FAM135B: variants seen among roughly 807,000 people sequenced by gnomAD.
The protein encoded by FAM135B is protein FAM135B.
FAM135B carries 43 observed loss-of-function variants against 127.7 expected under a neutral mutation model. The ratio of observed to expected loss-of-function variants is 0.34; its 90% CI spans 0.26 to 0.43. The LOEUF is 0.43. Ranked by LOEUF, FAM135B falls within the 20% of genes least tolerant of loss-of-function variation. The probability of loss-of-function intolerance (pLI) is 1.00; values close to 1 mark genes in which losing one functional copy is unlikely to be tolerated. For missense variants in FAM135B, 1,558 were observed against 1,725.6 expected, an observed-to-expected ratio of 0.90 and a Z score of 1.72; for synonymous variants, 670 against 665.1, an observed-to-expected ratio of 1.01 and a Z score of -0.11.
rs768616053 is a variant in FAM135B, at chr8:138,153,121, T to C, written c.1354A>G (p.Ser452Gly). 1 of 1,614,014 alleles carries C rather than the reference T, an allele frequency of 6.2e-7. No homozygotes were observed. The change falls in exon 13 of 20, where the codon AGC (serine) becomes GGC (glycine). Residue 452 changes from serine to glycine, a missense_variant. Physicochemically the swap from Ser to Gly is moderately conservative, Grantham distance 56. This residue lies in a region of FAM135B where 923 missense variants were observed against 865.3 expected (regional missense o/e 1.07). Transcript: ENST00000395297. The stretch of plus-strand genomic sequence containing the variant: ...AGGTCTTCCCTAAAAGATAAATTGC[T>C]ATTTACCATACAGTTATCTTCCTTG... ...KDKEDNCMVN[S>G]NLSFREDLVL... is the part of the protein sequence containing the mutation.
chr8:138,227,449 C>A (rs1380606399), intron 7 of FAM135B, among the ~76,000 whole-genome samples: 1 of 152,168 alleles, frequency 6.6e-6, no homozygotes, highest in Non-Finnish European at 1.5e-5. Flanking sequence ...ATTTTTTACT[C>A]CAATTAGCAA....
At chr8:138,386,444 G>C (rs1416538756) in intron 1 of FAM135B, among the ~76,000 whole-genome samples, 6 of 152,096 alleles carry the variant, frequency 3.9e-5, no homozygotes, top group Non-Finnish European at 8.8e-5. Flanking sequence ...TGAAAAGAAG[G>C]AGCTGATGAG....
chr8:138,211,572 T>C (rs183565789), intron 7 of FAM135B, among the ~76,000 whole-genome samples: 1 of 152,366 alleles, frequency 6.6e-6, no homozygotes, highest in East Asian at 1.9e-4. Flanking sequence ...ATGGCCATGC[T>C]GAAGTGACAG....
At chr8:138,496,364 A>G (rs1055255265) in intron 1 of FAM135B, among the ~76,000 whole-genome samples, 3 of 152,222 alleles carry the variant, frequency 2.0e-5, no homozygotes, top group South Asian at 2.1e-4. Flanking sequence ...AAGGACCCCA[A>G]TGGCCAAGGT....
chr8:138,200,228 G>A (rs1256986305), intron 7 of FAM135B, among the ~76,000 whole-genome samples: 2 of 152,232 alleles, frequency 1.3e-5, no homozygotes, highest in African/African-American at 4.8e-5. Flanking sequence ...ATTCAGCAAC[G>A]TTTGAAATCA....
chr8:138,257,882 AAAT>A (rs1187771261), intron 4 of FAM135B, among the ~76,000 whole-genome samples: 3,642 of 91,638 alleles, frequency 0.04, 102 homozygotes, highest in African/African-American at 0.12. Flanking sequence ...AAAAAATAAA[AAAT>A]AAAAAAAAAA....
intron 7 of FAM135B, among the ~76,000 whole-genome samples, chr8:138,235,934 T>C (rs1820237256): frequency 6.6e-6 from 1 of 152,204 alleles, no homozygotes; most frequent in African/African-American, 2.4e-5. Flanking sequence ...GATTTCACTT[T>C]GTTGGCCAGC....
At chr8:138,281,703 A>C (rs1231311018) in intron 3 of FAM135B, among the ~76,000 whole-genome samples, 1 of 152,070 alleles carries the variant, frequency 6.6e-6, no homozygotes, top group Non-Finnish European at 1.5e-5. Flanking sequence ...GTAAATTGGC[A>C]TGCCTTTCCC....
chr8:138,263,963 C>A (rs1822727114), intron 4 of FAM135B, among the ~76,000 whole-genome samples: 1 of 152,168 alleles, frequency 6.6e-6, no homozygotes. Flanking sequence ...ACCCTTCTAA[C>A]AAAATCAGTG....
At position 138,153,211 on chromosome 8, in the gene FAM135B, T is replaced by A. The variant is rs781318873; in HGVS notation, c.1264A>T (p.Asn422Tyr). 2.7e-6 allele frequency: 4 copies of A among 1,501,424 alleles called. No homozygotes were observed. The East Asian group carries it at 9.4e-5, about 35-fold the overall frequency. The allele number at this position is 1,501,424 out of a possible 1,614,324, so 93.0% of individuals were successfully genotyped here. A position where few individuals can be genotyped will look rare whatever the true frequency, so the allele number is the denominator to read the frequency against. The change falls in exon 13 of 20, where the codon AAC becomes TAC. Residue 422 changes from asparagine to tyrosine, a missense_variant. Transcript: ENST00000395297. ...TCAAAATTAGGATAAACACTCAAGT[T>A]ATGCCCTACAAAAAAAAAAGAAAGA... ...RYVDCPATGH[N>Y]LSVYPNFDVP...
chr8:138,338,358 C>T (rs886470535), intron 2 of FAM135B, among the ~76,000 whole-genome samples: 18 of 151,964 alleles, frequency 1.2e-4, no homozygotes, highest in Non-Finnish European at 8.8e-5. Context: ...GCAATCTACT[C>T]ATCTGACAAA....
At chr8:138,189,069 C>T (rs1460179283) in intron 9 of FAM135B, among the ~76,000 whole-genome samples, 2 of 152,192 alleles carry the variant, frequency 1.3e-5, no homozygotes, top group African/African-American at 2.4e-5. Flanking sequence ...CCCCACCCCC[C>T]ATCCTATGCC....
chr8:138,418,025 A>C (rs898818168), intron 1 of FAM135B, among the ~76,000 whole-genome samples: 7 of 152,168 alleles, frequency 4.6e-5, no homozygotes, highest in African/African-American at 1.4e-4. Flanking sequence ...AGAAAGTTGA[A>C]ACCCAATCCA....
chr8:138,340,983 T>A (rs541673020), intron 2 of FAM135B, among the ~76,000 whole-genome samples: 5 of 152,314 alleles, frequency 3.3e-5, no homozygotes, highest in Admixed American at 2.0e-4. Flanking sequence ...AGGAACACTG[T>A]CTCACTGTCT....
chr8:138,265,793 G>T lies in FAM135B; in HGVS notation c.207C>A (p.Ser69Arg), dbSNP rs755126863. 1 of 1,614,028 alleles carries T rather than the reference G, an allele frequency of 6.2e-7. No homozygotes were observed. The change falls in exon 4 of 20, where the codon AGC becomes AGA. Residue 69 changes from serine (S) to arginine (R), a missense_variant. By Grantham distance (110) the Ser-to-Arg change is moderately radical. This residue lies in a region of FAM135B where 199 missense variants were observed against 245.7 expected (regional missense o/e 0.81). Coordinates refer to ENST00000395297, the MANE Select transcript of FAM135B (RefSeq NM_015912.4). ...SACVHDSTVH[S>R]RVFQILYRNE... Reference sequence around the variant, plus strand: ...TCCGGTATAAGATCTGAAAGACCCGGCTGTGCACGGTGCTGTCATGGACAC... The same window carrying T: ...TCCGGTATAAGATCTGAAAGACCCGTCTGTGCACGGTGCTGTCATGGACAC...
At chr8:138,221,013 C>A (rs1231583830) in intron 7 of FAM135B, among the ~76,000 whole-genome samples, 2 of 152,162 alleles carry the variant, frequency 1.3e-5, no homozygotes, top group East Asian at 1.9e-4. Flanking sequence ...ATTGTTTATT[C>A]TAATATACTT....
intron 7 of FAM135B, among the ~76,000 whole-genome samples, chr8:138,205,284 G>T (rs1318868713): frequency 6.6e-6 from 1 of 152,150 alleles, no homozygotes; most frequent in African/African-American, 2.4e-5. Flanking sequence ...AGGTCTCAAT[G>T]GCAAGAAAGT....
rs1292732904 is a variant in FAM135B at position 138,242,768 on chromosome 8, G to A, written c.669+174C>T. On this transcript the variant is annotated intron_variant, in intron 7 of 19. Coordinates refer to ENST00000395297, the MANE Select transcript of FAM135B (RefSeq NM_015912.4). This position sits in a 1 kb window ranked among gnomAD's most constrained non-coding sequence, Gnocchi z 9.6. The stretch of plus-strand genomic sequence containing the variant: ...TCCCAGGGCTTGGCCTTAGAAATAT[G>A]TCTGATAGAGCTTGTAGTGATAAAA... Among the ~76,000 whole-genome samples, 1 of 152,148 alleles carries A rather than the reference G, an allele frequency of 6.6e-6. No individual in the cohort carries two copies. Among genetic ancestry groups the A allele is most frequent in the African/African-American group, 2.4e-5 (1 of 41,430 alleles).
intron 1 of FAM135B, among the ~76,000 whole-genome samples, chr8:138,419,623 A>T (rs912400207): frequency 1.3e-4 from 20 of 152,166 alleles, no homozygotes; most frequent in African/African-American, 4.8e-4. Flanking sequence ...GCAATTCTCA[A>T]CAAATTTTTA....
Sources: gnomAD v4.1 joint callset for allele counts (sites outside exome capture counted in the v4.1 genomes callset) on GRCh38, gnomAD v4.1.1 for gene constraint, gnomAD v4.1.1 regional missense constraint, Gnocchi (gnomAD v3.1) non-coding constraint, MANE v1.5 for transcripts, NCBI Gene and HGNC (gene_info 2026-07-23, HGNC 2026-07-21) for gene names.